N4BP2: variants seen among roughly 807,000 people sequenced by gnomAD.
N4BP2 encodes the protein NEDD4 binding protein 2.
N4BP2 carries 91 observed loss-of-function variants against 152.8 expected under a neutral mutation model. That is an observed-to-expected ratio of 0.60 (90% CI 0.50 to 0.71). N4BP2 has a LOEUF of 0.71. N4BP2 is among the 30% of genes least tolerant of loss of function. The pLI is 0.00. For synonymous variants in N4BP2, 646 were observed against 705.3 expected (o/e 0.92, Z 1.33); for missense variants, 1,923 against 2,059.1 (o/e 0.93, Z 1.28).
In N4BP2 at chr4:40,126,208, C is replaced by T. The variant is rs1013921342; in HGVS notation, c.4405C>T (p.Leu1469=). Residue 1469 remains leucine (L), a synonymous_variant, in exon 12 of 18, where the codon CTG becomes TTG. Coordinates refer to ENST00000261435, the MANE Select transcript of N4BP2 (RefSeq NM_018177.6). ...ATCTCAGAGAACAGGCAAAAAATTA[C>T]TGAAGACTTTAACAGCATCTGAAAT... is the stretch of plus-strand genomic sequence containing the variant. ...KSSQRTGKKL[L]KTLTASEMLP... is the part of the protein sequence containing the mutation. The T allele has an allele frequency of 1.2e-6, 2 of 1,609,128 alleles. No individual in the cohort carries two copies. Among genetic ancestry groups the T allele is most frequent in the East Asian group, 4.5e-5 (2 of 44,468 alleles).
At chr4:40,136,300 A>G (rs930809094) in intron 13 of N4BP2, among the ~76,000 whole-genome samples, 2 of 152,186 alleles carry the variant, frequency 1.3e-5, no homozygotes, top group African/African-American at 4.8e-5. Context: ...TGAAAGAAAG[A>G]TTTGTTATGG....
intron 1 of N4BP2, among the ~76,000 whole-genome samples, chr4:40,065,732 A>T (rs1210776490): frequency 6.6e-6 from 1 of 152,154 alleles, no homozygotes; most frequent in African/African-American, 2.4e-5. Flanking sequence ...ATTTTTAGAC[A>T]GTTCTTCCAA....
intron 1 of N4BP2, among the ~76,000 whole-genome samples, chr4:40,067,624 C>T (rs1445229224): frequency 6.6e-6 from 1 of 152,140 alleles, no homozygotes; most frequent in African/African-American, 2.4e-5. Context: ...TGCTTAGTAG[C>T]TGAGCCATTG....
intron 13 of N4BP2, among the ~76,000 whole-genome samples, chr4:40,136,348 A>ATCTATCTATCTG (rs1191778702): frequency 1.3e-5 from 1 of 75,614 alleles, no homozygotes. Flanking sequence ...AATTGAATCT[A>ATCTATCTATCTG]TCTATCTATC....
Position 40,085,494 on chromosome 4 carries a change from T to C in N4BP2, c.-114-11733T>C, listed in dbSNP as rs1487197359. Among the ~76,000 whole-genome samples, 4 of 152,188 alleles carry C rather than the reference T, an allele frequency of 2.6e-5. No individual in the cohort carries two copies. In the South Asian group the frequency reaches 6.2e-4, roughly 24 times the overall value. ...TCTTAAGAGATGGGGTCTCACTCTG[T>C]CACTGAGGCTGGAGTGCAGTGGCAC... On this transcript the variant is annotated intron_variant, in intron 2 of 17. Coordinates refer to ENST00000261435, the MANE Select transcript of N4BP2 (RefSeq NM_018177.6).
intron 2 of N4BP2, among the ~76,000 whole-genome samples, chr4:40,086,421 T>A: frequency 6.6e-6 from 1 of 151,894 alleles, no homozygotes; most frequent in East Asian, 1.9e-4. Flanking sequence ...CACTGCAACC[T>A]CCTCCTCCTG....
chr4:40,131,703 A>G, intron 12 of N4BP2, 98 bp from the exon 13 acceptor site: 4 of 805,100 alleles, frequency 5.0e-6, no homozygotes, highest in African/African-American at 3.4e-5. Flanking sequence ...TTGCTTTTAA[A>G]TCATCAGTAG....
At chr4:40,061,570 G>T (rs1018003912) in intron 1 of N4BP2, among the ~76,000 whole-genome samples, 4 of 151,908 alleles carry the variant, frequency 2.6e-5, no homozygotes, top group Non-Finnish European at 5.9e-5. Flanking sequence ...TCACCATGTT[G>T]GCCAGGCTGG....
intron 16 of N4BP2, among the ~76,000 whole-genome samples, chr4:40,147,502 C>A (rs1456893087): frequency 6.7e-6 from 1 of 148,732 alleles, no homozygotes; most frequent in Non-Finnish European, 1.5e-5. Context: ...GGCAGAGGCG[C>A]CCCCCACCTC....
chr4:40,190,237 G>A, the N4BP2 span, among the ~76,000 whole-genome samples: 3 of 152,198 alleles, frequency 2.0e-5, no homozygotes, highest in Admixed American at 6.5e-5. Flanking sequence ...GCACCTAGCC[G>A]AGTGCTCAAT....
chr4:40,122,924 T>G (rs1203683204), intron 9 of N4BP2, among the ~76,000 whole-genome samples: 1 of 152,248 alleles, frequency 6.6e-6, no homozygotes, highest in Non-Finnish European at 1.5e-5. Context: ...AAGCTTTGTA[T>G]AACTGCAGTA....
At chr4:40,183,480 A>C in the N4BP2 span, among the ~76,000 whole-genome samples, 4 of 151,736 alleles carry the variant, frequency 2.6e-5, no homozygotes, top group Non-Finnish European at 2.9e-5. Flanking sequence ...GGACTACAGG[A>C]GCCCGCTACC....
intron 12 of N4BP2, among the ~76,000 whole-genome samples, chr4:40,130,888 AT>A (rs1718848711): frequency 6.6e-6 from 1 of 152,178 alleles, no homozygotes; most frequent in South Asian, 2.1e-4. Flanking sequence ...GTTTAAGAAT[AT>A]TTATTATCAT....
intron 16 of N4BP2, among the ~76,000 whole-genome samples, chr4:40,150,064 G>A (rs1721002315): frequency 6.6e-6 from 1 of 152,172 alleles, no homozygotes. Context: ...GTCACCACCA[G>A]GTGGCAGTAT....
the N4BP2 span, among the ~76,000 whole-genome samples, chr4:40,168,235 G>C: frequency 6.6e-6 from 1 of 152,092 alleles, no homozygotes; most frequent in African/African-American, 2.4e-5. Context: ...GAATATCAGT[G>C]ATTATATTAA....
At chr4:40,184,773 T>C in the N4BP2 span, among the ~76,000 whole-genome samples, 2 of 152,046 alleles carry the variant, frequency 1.3e-5, no homozygotes, top group Admixed American at 1.3e-4. Flanking sequence ...CTGGCCAACA[T>C]GGAGAAACCC....
the N4BP2 span, among the ~76,000 whole-genome samples, chr4:40,189,718 A>G: frequency 3.3e-5 from 5 of 152,048 alleles, no homozygotes; most frequent in Non-Finnish European, 5.9e-5. The surrounding 1 kb of genome is among the most constrained non-coding windows in gnomAD (Gnocchi z 4.3). Context: ...CTGAAACCCC[A>G]TCTCTACTAA....
At chr4:40,113,211 A>G (rs1717047977) in intron 6 of N4BP2, among the ~76,000 whole-genome samples, 2 of 152,170 alleles carry the variant, frequency 1.3e-5, no homozygotes, top group South Asian at 2.1e-4. Context: ...CATATATCTA[A>G]TGTATGTATT....
chr4:40,101,615 G>A (rs949947504), intron 3 of N4BP2, among the ~76,000 whole-genome samples: 1 of 152,052 alleles, frequency 6.6e-6, no homozygotes, highest in Non-Finnish European at 1.5e-5. Context: ...ATTCTTTGTA[G>A]TAAGTGAAAT....
Sources: gnomAD v4.1 joint callset for allele counts (sites outside exome capture counted in the v4.1 genomes callset) on GRCh38, gnomAD v4.1.1 for gene constraint, Gnocchi (gnomAD v3.1) non-coding constraint, MANE v1.5 for transcripts, NCBI Gene and HGNC (gene_info 2026-07-23, HGNC 2026-07-21) for gene names.